The following HCN4 variants were observed in gnomAD, a reference collection of about 807,000 sequenced individuals.
The protein encoded by HCN4 is potassium/sodium hyperpolarization-activated cyclic nucleotide-gated channel 4.
In HCN4, 29 loss-of-function variants were observed where a neutral mutation model predicts 76.9. That is an observed-to-expected ratio of 0.38 (90% CI 0.28 to 0.51). The LOEUF is 0.51. Ranked by LOEUF, HCN4 falls within the 20% of genes least tolerant of loss-of-function variation. The probability of loss-of-function intolerance (pLI) is 0.90; values close to 1 mark genes in which losing one functional copy is unlikely to be tolerated. For missense variants in HCN4, 1,416 were observed against 1,715.2 expected (o/e 0.83, Z 3.08); for synonymous variants, 772 against 762.5 (o/e 1.01, Z -0.21).
chr15:73,330,334 T>A (rs2042925644), intron 3 of HCN4, among the ~76,000 whole-genome samples: 1 of 152,246 alleles, frequency 6.6e-6, no homozygotes, highest in Non-Finnish European at 1.5e-5. Flanking sequence ...CCTGCCCGCC[T>A]CTGCTAGGGC....
Position 73,332,348 on chromosome 15 carries a change from CG to C in HCN4, c.1210-57del, listed in dbSNP as rs983703458. ...ATAGGTGAGTGGCCAGGAGGGCCAG[CG>C]GCCACTTTCCCTGCCCTGGAGCTGC... On this transcript the variant is annotated intron_variant, in intron 2 of 7. Coordinates refer to ENST00000261917, the MANE Select transcript of HCN4 (RefSeq NM_005477.3). 3 of 1,564,836 alleles carry C rather than the reference CG, an allele frequency of 1.9e-6. No homozygotes were observed. In the African/African-American group the frequency reaches 4.1e-5, roughly 21 times the overall value.
intron 1 of HCN4, among the ~76,000 whole-genome samples, chr15:73,345,784 T>TA (rs889419341): frequency 6.6e-6 from 1 of 152,160 alleles, no homozygotes; most frequent in African/African-American, 2.4e-5. Context: ...TAACTGTGCA[T>TA]AGAAAGGCCA....
In HCN4 at chr15:73,323,191, G is replaced by A. The variant is rs759692338; in HGVS notation, c.2902C>T (p.Pro968Ser). ...FLPPPPSSRS[P>S]SSSPGQLGQP... ...CCCAGCTGCCCGGGGCTAGATGACG[G>A]GGATCTGGATGAGGGTGGGGGTGGC... The change falls in exon 8 of 8, where the codon CCG becomes TCG. Residue 968 changes from proline (P) to serine (S), a missense_variant. Transcript: ENST00000261917. 14 of 1,545,682 alleles carry A rather than the reference G, an allele frequency of 9.1e-6. No individual in the cohort carries two copies. Among genetic ancestry groups the A allele is most frequent in the Non-Finnish European group, 1.2e-5 (14 of 1,149,196 alleles).
chr15:73,366,204 C>A (rs948807902), intron 1 of HCN4, among the ~76,000 whole-genome samples: 10 of 152,136 alleles, frequency 6.6e-5, no homozygotes, highest in African/African-American at 2.4e-4. Context: ...GGGCTCTGTT[C>A]ACTACCTATT....
intron 2 of HCN4, among the ~76,000 whole-genome samples, chr15:73,337,778 C>T (rs936278711): frequency 6.6e-6 from 1 of 152,042 alleles, no homozygotes; most frequent in African/African-American, 2.4e-5. Flanking sequence ...CAAAAAGGTA[C>T]CCGCTCTGGG....
At chr15:73,341,137 T>G (rs1454033680) in intron 2 of HCN4, 1 of 151,156 alleles carries the variant, frequency 6.6e-6, no homozygotes, top group African/African-American at 2.4e-5. Flanking sequence ...ATAAATAACA[T>G]CTATTTATTT....
intron 1 of HCN4, among the ~76,000 whole-genome samples, chr15:73,355,759 G>GCACACACA (rs151156342): frequency 6.7e-6 from 1 of 149,902 alleles, no homozygotes; most frequent in Non-Finnish European, 1.5e-5. Flanking sequence ...ATGTACATGC[G>GCACACACA]CACACACACA....
In HCN4 at chr15:73,320,554, T is replaced by A. The variant is rs2042851211; in HGVS notation, c.*1927A>T. ...GCAGGGGCAGACCCCTGACCTTGGC[T>A]CTGGCAAGATCCCATCTGGGAGGAG... On this transcript the variant is annotated 3_prime_UTR_variant, in exon 8 of 8. Coordinates refer to ENST00000261917, the MANE Select transcript of HCN4 (RefSeq NM_005477.3). The A allele has an allele frequency of 1.3e-5, 2 of 152,348 alleles. No individual in the cohort carries two copies. The highest frequency in any genetic ancestry group is 4.1e-4 in the South Asian group (2 of 4,828). 9.4% of individuals were successfully genotyped at this position (152,348 alleles called of 1,614,324 possible). A position where few individuals can be genotyped will look rare whatever the true frequency, so the allele number is the denominator to read the frequency against.
At chr15:73,352,283 G>C (rs184348614) in intron 1 of HCN4, among the ~76,000 whole-genome samples, 1 of 152,190 alleles carries the variant, frequency 6.6e-6, no homozygotes, top group Non-Finnish European at 1.5e-5. Context: ...GAGTGGCAGG[G>C]AGCCCAGCAG....
chr15:73,342,973 T>A (rs1268369795), intron 2 of HCN4, among the ~76,000 whole-genome samples: 1 of 152,196 alleles, frequency 6.6e-6, no homozygotes, highest in Non-Finnish European at 1.5e-5. Flanking sequence ...ATTCCCTGCC[T>A]GTCCCCAACA....
At chr15:73,334,608 T>G (rs767173067) in intron 2 of HCN4, among the ~76,000 whole-genome samples, 19 of 151,880 alleles carry the variant, frequency 1.3e-4, no homozygotes, top group Non-Finnish European at 2.1e-4. Context: ...CACCAGGGGT[T>G]TGGGGAGGGC....
intron 1 of HCN4, among the ~76,000 whole-genome samples, chr15:73,355,759 GCACACACA>G (rs151156342): frequency 2.0e-5 from 3 of 149,902 alleles, no homozygotes; most frequent in African/African-American, 7.4e-5. Flanking sequence ...ATGTACATGC[GCACACACA>G]CACACACACA....
At chr15:73,350,324 T>C (rs1259242450) in intron 1 of HCN4, among the ~76,000 whole-genome samples, 1 of 152,120 alleles carries the variant, frequency 6.6e-6, no homozygotes, top group East Asian at 1.9e-4. Flanking sequence ...AGGACCACCA[T>C]CAACCCTTTT....
chr15:73,323,280 G>A lies in HCN4; in HGVS notation c.2813C>T (p.Ala938Val). 6.5e-7 allele frequency: 1 copy of A among 1,533,928 alleles called. No homozygotes were observed. Among genetic ancestry groups the A allele is most frequent in the Non-Finnish European group, 8.8e-7 (1 of 1,139,352 alleles). Residue 938 changes from alanine to valine, a missense_variant, in exon 8 of 8, where the codon GCT becomes GTT. Ala to Val is a moderately conservative substitution (Grantham distance 64). Transcript: ENST00000261917. The part of the protein sequence containing the change: ...PLQPGARSPQ[A>V]AQPSPAPPGA... ...GGGTGGCGCGGGAGATGGCTGGGCAGCCTGCGGGGAGCGGGCGCCTGGCTG... is the reference window on the plus strand; with the variant it reads ...GGGTGGCGCGGGAGATGGCTGGGCAACCTGCGGGGAGCGGGCGCCTGGCTG...
chr15:73,354,671 C>A (rs1182437480), intron 1 of HCN4, among the ~76,000 whole-genome samples: 2 of 152,178 alleles, frequency 1.3e-5, no homozygotes, highest in Non-Finnish European at 2.9e-5. Flanking sequence ...GAACATTAAT[C>A]CCCACCTCAC....
chr15:73,345,837 C>A (rs1021463799), intron 1 of HCN4, among the ~76,000 whole-genome samples: 1 of 152,164 alleles, frequency 6.6e-6, no homozygotes, highest in Admixed American at 6.5e-5. Context: ...TAATAATACA[C>A]CCAGGCTGGA....
intron 1 of HCN4, among the ~76,000 whole-genome samples, chr15:73,352,710 C>G (rs1214368631): frequency 1.3e-5 from 2 of 152,196 alleles, no homozygotes; most frequent in Non-Finnish European, 2.9e-5. Context: ...CCCTCCTCTA[C>G]CCCACCTCCA....
intron 2 of HCN4, among the ~76,000 whole-genome samples, chr15:73,334,900 G>A (rs1190378852): frequency 1.3e-5 from 2 of 152,100 alleles, no homozygotes; most frequent in Non-Finnish European, 2.9e-5. Flanking sequence ...TCGAGGTGAT[G>A]GCATTTGGAA....
At chr15:73,348,957 C>T (rs2043040781) in intron 1 of HCN4, among the ~76,000 whole-genome samples, 1 of 152,214 alleles carries the variant, frequency 6.6e-6, no homozygotes, top group African/African-American at 2.4e-5. Context: ...CTCCTCAAAG[C>T]TGAATGGCAC....
Sources: allele counts gnomAD v4.1 joint callset (sites outside exome capture counted in the v4.1 genomes callset), GRCh38; gene constraint gnomAD v4.1.1; transcripts MANE v1.5; gene names NCBI Gene and HGNC (gene_info 2026-07-23, HGNC 2026-07-21).